The following PDE11A variants were observed in gnomAD, a reference collection of about 807,000 sequenced individuals.
The protein encoded by PDE11A is dual 3',5'-cyclic-AMP and -GMP phosphodiesterase 11A.
A neutral mutation model predicts 100.5 loss-of-function variants in PDE11A; 100 were observed. The observed-to-expected ratio is 1.00, with a 90% confidence interval of 0.85 to 1.18. The LOEUF (loss-of-function observed/expected upper bound fraction) is 1.18. Ranked by LOEUF, PDE11A falls within the 50% of genes most tolerant of loss-of-function variation. The probability of loss-of-function intolerance (pLI) is 0.00; values close to 1 mark genes in which losing one functional copy is unlikely to be tolerated. For synonymous variants in PDE11A, 381 were observed against 420.8 expected (o/e 0.91, Z 1.16); for missense variants, 1,141 against 1,152.6 (o/e 0.99, Z 0.15).
At chr2:177,652,625 G>T (rs545183838) in intron 19 of PDE11A, among the ~76,000 whole-genome samples, 1 of 152,106 alleles carries the variant, frequency 6.6e-6, no homozygotes, top group African/African-American at 2.4e-5. Flanking sequence ...GGGACTATAC[G>T]CATGAGACTG....
intron 2 of PDE11A, among the ~76,000 whole-genome samples, chr2:177,927,427 A>AG (rs2085144827): frequency 6.6e-6 from 1 of 152,234 alleles, no homozygotes; most frequent in Non-Finnish European, 1.5e-5. Context: ...GAGGAAAGAC[A>AG]TTCATTTCTT....
chr2:177,719,225 C>T (rs925103429), intron 12 of PDE11A, among the ~76,000 whole-genome samples: 1 of 152,204 alleles, frequency 6.6e-6, no homozygotes, highest in Non-Finnish European at 1.5e-5. Context: ...TTGAACCCAA[C>T]TATCGGAAGT....
At chr2:178,060,363 T>C (rs966496294) in intron 1 of PDE11A, among the ~76,000 whole-genome samples, 2 of 152,202 alleles carry the variant, frequency 1.3e-5, no homozygotes, top group Non-Finnish European at 2.9e-5. Context: ...GAAAAATTAG[T>C]CATAAGCCCA....
chr2:178,068,791 TCCTTC>T (rs1387048376), intron 1 of PDE11A, among the ~76,000 whole-genome samples: 1 of 152,156 alleles, frequency 6.6e-6, no homozygotes, highest in African/African-American at 2.4e-5. Context: ...GGATGCAACA[TCCTTC>T]CCTACAACAA....
chr2:177,648,716 G>C (rs2080260214), intron 19 of PDE11A, among the ~76,000 whole-genome samples: 1 of 152,058 alleles, frequency 6.6e-6, no homozygotes, highest in Admixed American at 6.5e-5. Context: ...CAGTAGAACT[G>C]ATAGAAAGAC....
At chr2:177,967,200 CTTTTT>C (rs34293348) in intron 2 of PDE11A, among the ~76,000 whole-genome samples, 2 of 106,232 alleles carry the variant, frequency 1.9e-5, no homozygotes, top group African/African-American at 8.2e-5. Context: ...TCTCCTTTGT[CTTTTT>C]TTTTTTTTTT....
At chr2:178,105,572 C>T (rs566882552) in intron 1 of PDE11A, 4 of 335,754 alleles carry the variant, frequency 1.2e-5, no homozygotes, top group African/African-American at 8.6e-5. Context: ...TAAATAAATG[C>T]CTCCTCCATC....
chr2:177,836,864 A>G (rs2083409716), intron 6 of PDE11A, among the ~76,000 whole-genome samples: 1 of 152,204 alleles, frequency 6.6e-6, no homozygotes. Context: ...CAGCGAGACC[A>G]TGAACCCACC....
At chr2:177,667,491 T>C (rs1559134545) in intron 18 of PDE11A, among the ~76,000 whole-genome samples, 1 of 152,140 alleles carries the variant, frequency 6.6e-6, no homozygotes, top group Non-Finnish European at 1.5e-5. Flanking sequence ...CCTTGAACCA[T>C]TGTTGAAAAG....
chr2:177,661,397 T>C (rs2080483604), intron 19 of PDE11A, among the ~76,000 whole-genome samples: 1 of 152,200 alleles, frequency 6.6e-6, no homozygotes, highest in African/African-American at 2.4e-5. Context: ...ATCAGTGACC[T>C]TCCTGGCTCG....
At chr2:178,075,949 A>AT (rs1259225338), upstream of PDE11A, among the ~76,000 whole-genome samples, 3 of 152,190 alleles carry the variant, frequency 2.0e-5, no homozygotes, top group Admixed American at 1.3e-4. Flanking sequence ...TTTCTGTGTA[A>AT]TTCTGACCTC....
intron 2 of PDE11A, among the ~76,000 whole-genome samples, chr2:177,978,981 G>A (rs28408453): frequency 1.7e-3 from 224 of 128,486 alleles, no homozygotes; most frequent in African/African-American, 6.4e-3. Context: ...AATGCTAGAT[G>A]ACACATTAGT....
chr2:177,675,537 CAA>C lies in PDE11A; in HGVS notation c.2424-21_2424-20del. 2 of 1,602,558 alleles carry C rather than the reference CAA, an allele frequency of 1.2e-6. No homozygotes were observed. The highest frequency in any genetic ancestry group is 1.7e-6 in the Non-Finnish European group (2 of 1,169,778). ...CATTGATCTGAAAAACAGAACCAAA[CAA>C]AACAGCCTGAATAATCTTTTGTTGC... On this transcript the variant is annotated intron_variant, in intron 16 of 19. Coordinates refer to ENST00000286063, the MANE Select transcript of PDE11A (RefSeq NM_016953.4).
chr2:177,655,617 C>T (rs548124497), intron 19 of PDE11A, among the ~76,000 whole-genome samples: 8 of 152,230 alleles, frequency 5.3e-5, no homozygotes, highest in Admixed American at 1.3e-4. Flanking sequence ...TAGCTCACTT[C>T]AGCCTCGAAC....
intron 17 of PDE11A, among the ~76,000 whole-genome samples, chr2:177,670,659 T>C (rs977687086): frequency 1.3e-5 from 2 of 152,200 alleles, no homozygotes; most frequent in African/African-American, 2.4e-5. Flanking sequence ...TGAGACAGTT[T>C]AATTTTGGTC....
intron 2 of PDE11A, among the ~76,000 whole-genome samples, chr2:177,954,352 A>G (rs1487483383): frequency 2.0e-5 from 3 of 152,164 alleles, no homozygotes; most frequent in Admixed American, 6.5e-5. Flanking sequence ...ATCCTCCATA[A>G]AAGAGCCCAA....
intron 13 of PDE11A, 118 bp from the exon 14 acceptor site, chr2:177,701,329 G>A (rs775079381): frequency 8.4e-6 from 6 of 713,374 alleles, no homozygotes; most frequent in Non-Finnish European, 1.6e-5. Flanking sequence ...CACATCCTTA[G>A]GTAACTGCTT....
intron 6 of PDE11A, among the ~76,000 whole-genome samples, chr2:177,834,498 C>T (rs1413856898): frequency 2.0e-5 from 3 of 152,172 alleles, no homozygotes; most frequent in African/African-American, 7.2e-5. Context: ...CCAATGGTTG[C>T]AGGCATGTGC....
At chr2:177,815,243 C>T (rs996677882) in intron 9 of PDE11A, among the ~76,000 whole-genome samples, 1 of 150,008 alleles carries the variant, frequency 6.7e-6, no homozygotes, top group Admixed American at 6.6e-5. Context: ...AAATATACTA[C>T]CACAAATAAT....
Sources: allele counts gnomAD v4.1 joint callset (sites outside exome capture counted in the v4.1 genomes callset), GRCh38; gene constraint gnomAD v4.1.1; transcripts MANE v1.5; gene names NCBI Gene and HGNC (gene_info 2026-07-23, HGNC 2026-07-21).